Variants in KIAA1217 observed in about 807,000 individuals in gnomAD.
KIAA1217 encodes the protein sickle tail protein homolog.
KIAA1217 carries 88 observed loss-of-function variants against 163.9 expected under a neutral mutation model. The observed-to-expected ratio is 0.54, with a 90% CI of 0.45 to 0.64. The LOEUF is 0.64. Ranked by LOEUF, KIAA1217 falls within the 30% of genes least tolerant of loss-of-function variation. The probability of loss-of-function intolerance (pLI) is 0.00; values close to 1 mark genes in which losing one functional copy is unlikely to be tolerated. For synonymous variants in KIAA1217, 903 were observed against 923.1 expected (o/e 0.98, Z 0.39); for missense variants, 2,372 against 2,475.0 (o/e 0.96, Z 0.88).
At chr10:24,494,252 G>C (rs1227951493) in intron 6 of KIAA1217, among the ~76,000 whole-genome samples, 2 of 152,254 alleles carry the variant, frequency 1.3e-5, no homozygotes, top group African/African-American at 4.8e-5. Context: ...TTCCGAGGGA[G>C]ATGTCTTTGA....
intron 3 of KIAA1217, among the ~76,000 whole-genome samples, chr10:24,404,631 T>A (rs1207565270): frequency 6.7e-6 from 1 of 148,836 alleles, no homozygotes; most frequent in Non-Finnish European, 1.5e-5. Flanking sequence ...GCAACTGCAG[T>A]CTTTTGCATT....
intron 2 of KIAA1217, among the ~76,000 whole-genome samples, chr10:24,166,340 T>C (rs16924358): frequency 0.018 from 2,666 of 152,312 alleles, 27 homozygotes; most frequent in Middle Eastern, 0.058. Flanking sequence ...AGAATAATCT[T>C]GGTTGTTGAT....
intron 16 of KIAA1217, among the ~76,000 whole-genome samples, chr10:24,534,320 C>T (rs978224798): frequency 2.0e-5 from 3 of 152,192 alleles, no homozygotes; most frequent in Admixed American, 1.3e-4. Context: ...GGGACATCCC[C>T]GCAACCAATC....
chr10:23,895,807 C>A (rs1490880257), intron 1 of KIAA1217, among the ~76,000 whole-genome samples: 2 of 151,800 alleles, frequency 1.3e-5, no homozygotes, highest in East Asian at 1.9e-4. Context: ...GAATACTATG[C>A]AGTCATAAAA....
chr10:24,375,005 T>C (rs11014066), intron 2 of KIAA1217, among the ~76,000 whole-genome samples: 26,213 of 152,104 alleles, frequency 0.17, 2,722 homozygotes, highest in East Asian at 0.37. Context: ...ATGCTGGTCT[T>C]GAACTCCTGG....
At chr10:23,807,153 A>C (rs1386905087) in intron 1 of KIAA1217, among the ~76,000 whole-genome samples, 1 of 152,208 alleles carries the variant, frequency 6.6e-6, no homozygotes, top group Non-Finnish European at 1.5e-5. Context: ...TCAGCGATTC[A>C]TTTCAGCTGT....
chr10:24,319,644 G>GGTGGATA (rs1489179601), intron 2 of KIAA1217, among the ~76,000 whole-genome samples: 6 of 152,206 alleles, frequency 3.9e-5, no homozygotes, highest in African/African-American at 1.4e-4. Context: ...AGCGCACCCT[G>GGTGGATA]GTGGATAGTG....
In KIAA1217 at chr10:24,543,654, A is replaced by G; in HGVS notation, c.4384A>G (p.Thr1462Ala). 6.2e-7 allele frequency: 1 copy of G among 1,614,120 alleles called. No individual in the cohort carries two copies. The highest frequency in any genetic ancestry group is 1.1e-5 in the South Asian group (1 of 91,068). Residue 1462 changes from threonine to alanine, a missense_variant, in exon 19 of 21, where the codon ACT becomes GCT. Physicochemically the swap from Thr to Ala is moderately conservative, Grantham distance 58. Coordinates refer to ENST00000376454, the MANE Select transcript of KIAA1217 (RefSeq NM_019590.5). Reference sequence around the variant, plus strand: ...CCGGTCTGCCTATAAGAGACTTTCAACTATCTTTGAGGAATGTGATGAGGA... The same window carrying G: ...CCGGTCTGCCTATAAGAGACTTTCAGCTATCTTTGAGGAATGTGATGAGGA... ...DIRSAYKRLSTIFEECDEELE... is the reference protein window; with the variant it reads ...DIRSAYKRLSAIFEECDEELE...
intron 2 of KIAA1217, among the ~76,000 whole-genome samples, chr10:24,351,861 C>A (rs1188844318): frequency 6.6e-6 from 1 of 152,198 alleles, no homozygotes. Context: ...GCGAGATGGG[C>A]TCCCAGTTCC....
intron 2 of KIAA1217, among the ~76,000 whole-genome samples, chr10:24,161,240 G>A (rs1461259449): frequency 1.3e-5 from 2 of 152,198 alleles, no homozygotes; most frequent in African/African-American, 2.4e-5. Flanking sequence ...GCCATAAAAT[G>A]TTAAGAACAG....
intron 7 of KIAA1217, 28 bp from the exon 8 acceptor site, chr10:24,495,119 T>G (rs780751655): frequency 3.8e-6 from 6 of 1,588,322 alleles, no homozygotes; most frequent in Non-Finnish European, 5.1e-6. Context: ...GGAAACTGCA[T>G]AGCTGACTCT....
chr10:24,465,837 G>A (rs2062886709), intron 5 of KIAA1217, among the ~76,000 whole-genome samples: 1 of 152,094 alleles, frequency 6.6e-6, no homozygotes, highest in South Asian at 2.1e-4. Flanking sequence ...CTACCTTCTC[G>A]TCCTTCATCT....
chr10:23,826,976 A>G (rs1837927854), intron 1 of KIAA1217, among the ~76,000 whole-genome samples: 1 of 152,172 alleles, frequency 6.6e-6, no homozygotes, highest in African/African-American at 2.4e-5. Context: ...CACTATGGAC[A>G]AATAAAAGGT....
chr10:24,457,432 G>C (rs1053784928), intron 5 of KIAA1217, among the ~76,000 whole-genome samples: 20 of 151,156 alleles, frequency 1.3e-4, no homozygotes, highest in African/African-American at 4.9e-4. Context: ...GGAGTGCAGT[G>C]GTATAATCAT....
chr10:23,872,729 A>G (rs1840515059), intron 1 of KIAA1217, among the ~76,000 whole-genome samples: 1 of 152,070 alleles, frequency 6.6e-6, no homozygotes, highest in East Asian at 1.9e-4. Flanking sequence ...TCTTGGAAAA[A>G]CAAGCTAATT....
chr10:23,723,549 A>G (rs910060359), intron 1 of KIAA1217, among the ~76,000 whole-genome samples: 1 of 152,188 alleles, frequency 6.6e-6, no homozygotes. Flanking sequence ...GTTCAGATTC[A>G]TTGTTGCACA....
intron 3 of KIAA1217, among the ~76,000 whole-genome samples, chr10:24,395,023 A>G (rs963177327): frequency 2.6e-5 from 4 of 152,290 alleles, no homozygotes; most frequent in African/African-American, 9.6e-5. Flanking sequence ...CCCAGGTGAC[A>G]TGGATGCTGC....
intron 3 of KIAA1217, among the ~76,000 whole-genome samples, chr10:24,390,468 G>GGAGA (rs57218641): frequency 0.33 from 42,434 of 128,082 alleles, 8,540 homozygotes; most frequent in African/African-American, 0.52. Context: ...AAGGAGGGAG[G>GGAGA]GAGGGAGGGA....
chr10:24,184,302 C>A (rs946535009), intron 2 of KIAA1217, among the ~76,000 whole-genome samples: 12 of 152,174 alleles, frequency 7.9e-5, no homozygotes, highest in Admixed American at 3.9e-4. Flanking sequence ...TAAATTTCAT[C>A]AGAGTAAAAT....
Sources: gnomAD v4.1 joint callset for allele counts (sites outside exome capture counted in the v4.1 genomes callset) on GRCh38, gnomAD v4.1.1 for gene constraint, MANE v1.5 for transcripts, NCBI Gene and HGNC (gene_info 2026-07-23, HGNC 2026-07-21) for gene names.